Variants in GREM1 observed in about 807,000 individuals in gnomAD.
The protein encoded by GREM1 is gremlin-1.
In GREM1, 6 loss-of-function variants were observed where a neutral mutation model predicts 13.1. The observed-to-expected ratio is 0.46, with a 90% confidence interval of 0.25 to 0.91. GREM1 has a LOEUF of 0.91. Ranked by LOEUF, GREM1 falls within the 40% of genes least tolerant of loss-of-function variation. The pLI is 0.18. For missense variants in GREM1, 185 were observed against 233.9 expected (o/e 0.79, Z 1.36); for synonymous variants, 98 against 93.7 (o/e 1.05, Z -0.27).
intron 1 of GREM1, among the ~76,000 whole-genome samples, chr15:32,722,027 T>C (rs2055417390): frequency 6.6e-6 from 1 of 152,204 alleles, no homozygotes; most frequent in Admixed American, 6.5e-5. Context: ...CGACCTGGTC[T>C]TCAGACTTGA....
rs559218414 is a variant in GREM1, at chr15:32,739,138, A to G, written c.*7893A>G. Reference sequence around the variant, plus strand: ...AATTTCAATTTTCAGATGACATAATATTGTATGTAGAAATCCTAAGGAATT... The same window carrying G: ...AATTTCAATTTTCAGATGACATAATGTTGTATGTAGAAATCCTAAGGAATT... On this transcript the variant is annotated 3_prime_UTR_variant, in exon 2 of 2. Coordinates refer to ENST00000651154, the MANE Select transcript of GREM1 (RefSeq NM_013372.7). 6.6e-6 allele frequency: 1 copy of G among 152,328 alleles called. No homozygotes were observed. The highest frequency in any genetic ancestry group is 2.1e-4 in the South Asian group (1 of 4,832). 9.4% of individuals were successfully genotyped at this position (152,328 alleles called of 1,614,324 possible).
At chr15:32,718,209 G>A (rs1023896768) in intron 1 of GREM1, 48 bp downstream of exon 1, 1 of 1,324,556 alleles carries the variant, frequency 7.5e-7, no homozygotes, top group Non-Finnish European at 1.0e-6. Flanking sequence ...GGAGGGAAGA[G>A]GGCCGCAAAC....
chr15:32,731,975 T>C lies in GREM1; in HGVS notation c.*730T>C, dbSNP rs776424385. ...ACATTGCAGAAGCTTGAAAGGCCAA[T>C]ACCAGAACACAGGCTGATGCTTCTG... On this transcript the variant is annotated 3_prime_UTR_variant, in exon 2 of 2. Coordinates refer to ENST00000651154, the MANE Select transcript of GREM1 (RefSeq NM_013372.7). 4.3e-6 allele frequency: 1 copy of C among 230,382 alleles called. No homozygotes were observed. The highest frequency in any genetic ancestry group is 1.9e-4 in the South Asian group (1 of 5,380). 14.3% of individuals were successfully genotyped at this position (230,382 alleles called of 1,614,324 possible). A position where few individuals can be genotyped will look rare whatever the true frequency, so the allele number is the denominator to read the frequency against.
chr15:32,727,363 CA>C (rs1320832858), intron 1 of GREM1, among the ~76,000 whole-genome samples: 2 of 152,184 alleles, frequency 1.3e-5, no homozygotes. Flanking sequence ...TAAACGTAAT[CA>C]ATCACATACA....
Position 32,731,285 on chromosome 15 carries a change from C to G in GREM1, c.*40C>G. On this transcript the variant is annotated 3_prime_UTR_variant, in exon 2 of 2. Transcript: ENST00000651154. ...CACCCAGCATGTCCTAGGAATGCAG[C>G]CCCAGGAAGTCCCAGACCTAAAACA... 1 of 1,507,910 alleles carries G rather than the reference C, an allele frequency of 6.6e-7. No individual in the cohort carries two copies. Among genetic ancestry groups the G allele is most frequent in the South Asian group, 1.2e-5 (1 of 82,852 alleles). 93.4% of individuals were successfully genotyped at this position (1,507,910 alleles called of 1,614,324 possible). A position where few individuals can be genotyped will look rare whatever the true frequency, so the allele number is the denominator to read the frequency against.
In GREM1 at chr15:32,742,352, C is replaced by T. The variant is rs2055769467; in HGVS notation, c.*11107C>T. On this transcript the variant is annotated 3_prime_UTR_variant, in exon 2 of 2. Coordinates refer to ENST00000651154, the MANE Select transcript of GREM1 (RefSeq NM_013372.7). Reference sequence around the variant, plus strand: ...TTTGATTACTTGTTCAATCTTTACGCTAGTCATAGGTCTGTCCAGTCTTTG... The same window carrying T: ...TTTGATTACTTGTTCAATCTTTACGTTAGTCATAGGTCTGTCCAGTCTTTG... 6.6e-6 allele frequency: 1 copy of T among 152,104 alleles called. No individual in the cohort carries two copies. The allele number at this position is 152,104 out of a possible 1,614,324, so 9.4% of individuals were successfully genotyped here. A position where few individuals can be genotyped will look rare whatever the true frequency, so the allele number is the denominator to read the frequency against.
In GREM1 at chr15:32,744,376, A is replaced by G. The variant is rs1311106835; in HGVS notation, c.*13131A>G. 6.6e-6 allele frequency: 1 copy of G among 152,192 alleles called. No individual in the cohort carries two copies. Among genetic ancestry groups the G allele is most frequent in the African/African-American group, 2.4e-5 (1 of 41,404 alleles). 9.4% of individuals were successfully genotyped at this position (152,192 alleles called of 1,614,324 possible). ...ATCACGTGGTCAGGAGATCGAGACC[A>G]TCCTGGCTAACACGGTGAAACCTTA... On this transcript the variant is annotated 3_prime_UTR_variant, in exon 2 of 2. Transcript: ENST00000651154.
Position 32,731,499 on chromosome 15 carries a change from G to C in GREM1, c.*254G>C. The C allele has an allele frequency of 1.9e-6, 1 of 514,358 alleles. No individual in the cohort carries two copies. The highest frequency in any genetic ancestry group is 3.5e-6 in the Non-Finnish European group (1 of 283,464). 31.9% of individuals were successfully genotyped at this position (514,358 alleles called of 1,614,324 possible). A position where few individuals can be genotyped will look rare whatever the true frequency, so the allele number is the denominator to read the frequency against. ...TTTTGTAAACATATCTGCTTTAATG[G>C]GGATGTACCAGAAACCCACCTCACC... is the stretch of plus-strand genomic sequence containing the variant. On this transcript the variant is annotated 3_prime_UTR_variant, in exon 2 of 2. Transcript: ENST00000651154.
intron 1 of GREM1, among the ~76,000 whole-genome samples, chr15:32,725,283 C>A (rs990051636): frequency 1.3e-5 from 2 of 152,158 alleles, no homozygotes; most frequent in African/African-American, 4.8e-5. Flanking sequence ...TTCTCCACAT[C>A]CTCTCCAACA....
chr15:32,737,153 G>A lies in GREM1; in HGVS notation c.*5908G>A, dbSNP rs1358429102. 2 of 152,082 alleles carry A rather than the reference G, an allele frequency of 1.3e-5. No homozygotes were observed. The highest frequency in any genetic ancestry group is 2.9e-5 in the Non-Finnish European group (2 of 68,018). 9.4% of individuals were successfully genotyped at this position (152,082 alleles called of 1,614,324 possible). On this transcript the variant is annotated 3_prime_UTR_variant, in exon 2 of 2. Transcript: ENST00000651154. ...ATCAAATAACTTCCCAGAAAGAAAA[G>A]CCCAATTTAGGATGTCTTAACTGAT... is the stretch of plus-strand genomic sequence containing the variant.
chr15:32,727,028 C>A (rs2140681781), intron 1 of GREM1, among the ~76,000 whole-genome samples: 1 of 152,178 alleles, frequency 6.6e-6, no homozygotes, highest in South Asian at 2.1e-4. Flanking sequence ...AGCCTACCAA[C>A]CAAAAAAAGC....
At chr15:32,723,203 A>C (rs1300745595) in intron 1 of GREM1, among the ~76,000 whole-genome samples, 1 of 152,158 alleles carries the variant, frequency 6.6e-6, no homozygotes, top group African/African-American at 2.4e-5. Context: ...TTTCCTCTAC[A>C]TCTCTGATAT....
chr15:32,721,764 C>T (rs973193547), intron 1 of GREM1, among the ~76,000 whole-genome samples: 15 of 152,084 alleles, frequency 9.9e-5, no homozygotes, highest in African/African-American at 3.6e-4. Context: ...TCCTGAATAC[C>T]ACACTACGCA....
intron 1 of GREM1, among the ~76,000 whole-genome samples, chr15:32,727,589 G>A (rs900814813): frequency 6.6e-6 from 1 of 151,858 alleles, no homozygotes; most frequent in Non-Finnish European, 1.5e-5. Context: ...CCGCCACAAG[G>A]ATGACTTCTC....
Position 32,731,652 on chromosome 15 carries a change from C to A in GREM1, c.*407C>A, listed in dbSNP as rs1180464756. The A allele has an allele frequency of 1.7e-5, 5 of 291,718 alleles. 1 individual carries two copies. The Admixed American group carries it at 2.4e-4, about 14-fold the overall frequency. 18.1% of individuals were successfully genotyped at this position (291,718 alleles called of 1,614,324 possible). On this transcript the variant is annotated 3_prime_UTR_variant, in exon 2 of 2. Coordinates refer to ENST00000651154, the MANE Select transcript of GREM1 (RefSeq NM_013372.7). Reference sequence around the variant, plus strand: ...AGAGGCTCCTCTGAGGGCAAGAGACCTGTTTTAGTGCTGCATTCGACATGG... The same window carrying A: ...AGAGGCTCCTCTGAGGGCAAGAGACATGTTTTAGTGCTGCATTCGACATGG...
chr15:32,718,380 G>A (rs2055334072), intron 1 of GREM1: 1 of 496,746 alleles, frequency 2.0e-6, no homozygotes, highest in Non-Finnish European at 4.0e-6. Flanking sequence ...GGGAAACGTA[G>A]GAAAAAAAGT....
Position 32,738,293 on chromosome 15 carries a change from T to C in GREM1, c.*7048T>C, listed in dbSNP as rs561744131. 2.0e-5 allele frequency: 3 copies of C among 151,972 alleles called. No homozygotes were observed. The East Asian group carries it at 5.8e-4, about 29-fold the overall frequency. The allele number at this position is 151,972 out of a possible 1,614,324, so 9.4% of individuals were successfully genotyped here. A position where few individuals can be genotyped will look rare whatever the true frequency, so the allele number is the denominator to read the frequency against. The stretch of plus-strand genomic sequence containing the variant: ...GCAGGATACAAGATCAACATACAGA[T>C]ATAAATTGTATTCTACACACTTGTA... On this transcript the variant is annotated 3_prime_UTR_variant, in exon 2 of 2. Coordinates refer to ENST00000651154, the MANE Select transcript of GREM1 (RefSeq NM_013372.7).
rs2055612843 is a variant in GREM1 at position 32,731,282 on chromosome 15, C to G, written c.*37C>G. 1.3e-6 allele frequency: 2 copies of G among 1,532,940 alleles called. No individual in the cohort carries two copies. The allele number at this position is 1,532,940 out of a possible 1,614,324, so 95.0% of individuals were successfully genotyped here. A position where few individuals can be genotyped will look rare whatever the true frequency, so the allele number is the denominator to read the frequency against. ...GTGCACCCAGCATGTCCTAGGAATGCAGCCCCAGGAAGTCCCAGACCTAAA... is the reference window on the plus strand; with the variant it reads ...GTGCACCCAGCATGTCCTAGGAATGGAGCCCCAGGAAGTCCCAGACCTAAA... On this transcript the variant is annotated 3_prime_UTR_variant, in exon 2 of 2. Coordinates refer to ENST00000651154, the MANE Select transcript of GREM1 (RefSeq NM_013372.7).
Position 32,735,254 on chromosome 15 carries a change from T to G in GREM1, c.*4009T>G, listed in dbSNP as rs1281877699. 6.6e-6 allele frequency: 1 copy of G among 152,198 alleles called. No individual in the cohort carries two copies. The highest frequency in any genetic ancestry group is 1.9e-4 in the East Asian group (1 of 5,196). 9.4% of individuals were successfully genotyped at this position (152,198 alleles called of 1,614,324 possible). ...TATAATACAAGATTTCTATTAGGTA[T>G]GGGTGCTCTGATGATAATGAAAATC... On this transcript the variant is annotated 3_prime_UTR_variant, in exon 2 of 2. Transcript: ENST00000651154.
Sources: gnomAD v4.1 joint callset for allele counts (sites outside exome capture counted in the v4.1 genomes callset) on GRCh38, gnomAD v4.1.1 for gene constraint, MANE v1.5 for transcripts, NCBI Gene and HGNC (gene_info 2026-07-23, HGNC 2026-07-21) for gene names.